GDA: variants seen among roughly 807,000 people sequenced by gnomAD.
GDA encodes cytoplasmic PSD-95 interactor.
In GDA, 18 loss-of-function variants were observed where a neutral mutation model predicts 59.6. That is an observed-to-expected ratio of 0.30 (90% CI 0.21 to 0.45). GDA has a LOEUF of 0.45. GDA is among the 20% of genes least tolerant of loss of function. The pLI is 1.00. For missense variants in GDA, 427 were observed against 552.3 expected, an observed-to-expected ratio of 0.77 and a Z score of 2.27; for synonymous variants, 201 against 201.1, an observed-to-expected ratio of 1.00 and a Z score of 0.00.
At chr9:72,210,923 A>G (rs1835277777) in intron 4 of GDA, 149 bp downstream of exon 4, 3 of 603,090 alleles carry the variant, frequency 5.0e-6, no homozygotes, top group South Asian at 4.1e-5. Context: ...ACGTGTCTAT[A>G]TGTCACTGTG....
intron 13 of GDA, 127 bp from the exon 14 acceptor site, chr9:72,248,145 T>G: frequency 1.4e-6 from 1 of 709,878 alleles, no homozygotes; most frequent in Non-Finnish European, 2.6e-6. Flanking sequence ...ATCTGAGGGT[T>G]GGGGGAAAGC....
chr9:72,241,353 C>T, intron 11 of GDA, 55 bp downstream of exon 11: 1 of 1,342,482 alleles, frequency 7.4e-7, no homozygotes, highest in Non-Finnish European at 1.0e-6. Context: ...TGATCGGTGT[C>T]TTTGGATGTA....
chr9:72,220,033 G>A (rs1162995645), intron 6 of GDA, among the ~76,000 whole-genome samples: 1 of 152,140 alleles, frequency 6.6e-6, no homozygotes, highest in African/African-American at 2.4e-5. Flanking sequence ...TTAAGTGTCT[G>A]TAGACAGACA....
chr9:72,254,575 A>G (rs1439057143), downstream of GDA, among the ~76,000 whole-genome samples: 3 of 152,202 alleles, frequency 2.0e-5, no homozygotes, highest in East Asian at 5.8e-4. Flanking sequence ...GGAGAACCCA[A>G]AGTCATAAGC....
intron 3 of GDA, among the ~76,000 whole-genome samples, chr9:72,205,820 A>C (rs1281299631): frequency 1.3e-5 from 2 of 152,220 alleles, no homozygotes; most frequent in Non-Finnish European, 2.9e-5. Context: ...AGCTTGCTTT[A>C]ACACAGTCCA....
At chr9:72,189,700 G>A (rs532858589) in intron 1 of GDA, among the ~76,000 whole-genome samples, 1 of 152,246 alleles carries the variant, frequency 6.6e-6, no homozygotes, top group South Asian at 2.1e-4. Context: ...AGTTAGCCAG[G>A]CGTGGTGGCA....
At chr9:72,164,554 G>A (rs967099511) in intron 1 of GDA, among the ~76,000 whole-genome samples, 3 of 152,112 alleles carry the variant, frequency 2.0e-5, no homozygotes, top group African/African-American at 7.2e-5. Flanking sequence ...AATGTGTAGT[G>A]TTTTATCATA....
intron 1 of GDA, among the ~76,000 whole-genome samples, chr9:72,186,796 A>G (rs1831907384): frequency 6.6e-6 from 1 of 152,148 alleles, no homozygotes; most frequent in African/African-American, 2.4e-5. Flanking sequence ...CTTTTCCCAC[A>G]ACCCTGGATA....
At chr9:72,223,308 CT>C (rs1837137916) in intron 7 of GDA, 81 bp downstream of exon 7, 2 of 774,090 alleles carry the variant, frequency 2.6e-6, no homozygotes, top group Non-Finnish European at 4.4e-6. Context: ...TTCCAATAAT[CT>C]GTAGTTGTTT....
chr9:72,189,790 A>G (rs7847039), intron 1 of GDA, among the ~76,000 whole-genome samples: 6,212 of 152,188 alleles, frequency 0.041, 415 homozygotes, highest in African/African-American at 0.14. Flanking sequence ...GCACTGAGCC[A>G]AAATCATGCC....
At chr9:72,211,777 A>G (rs1381564026) in intron 4 of GDA, among the ~76,000 whole-genome samples, 2 of 152,222 alleles carry the variant, frequency 1.3e-5, no homozygotes, top group Admixed American at 6.5e-5. Flanking sequence ...CAGGGACCAC[A>G]GTAGTTTAAC....
chr9:72,230,788 T>G (rs543188331), intron 9 of GDA, among the ~76,000 whole-genome samples: 1 of 152,308 alleles, frequency 6.6e-6, no homozygotes, highest in East Asian at 1.9e-4. Context: ...TTAGAAAATA[T>G]TAAAGACAGA....
upstream of GDA, among the ~76,000 whole-genome samples, chr9:72,147,571 A>G (rs150875478): frequency 6.6e-6 from 1 of 151,982 alleles, no homozygotes; most frequent in African/African-American, 2.4e-5. Context: ...TAACTGTATA[A>G]TGTTCTATCA....
At chr9:72,134,434 A>T (rs1019010152) in intron 1 of GDA, among the ~76,000 whole-genome samples, 5 of 150,196 alleles carry the variant, frequency 3.3e-5, no homozygotes, top group Non-Finnish European at 7.4e-5. Context: ...AGAGTTTTGC[A>T]CTTGTCACCC....
At chr9:72,164,709 C>T (rs554786714) in intron 1 of GDA, among the ~76,000 whole-genome samples, 153 of 150,784 alleles carry the variant, frequency 1.0e-3, no homozygotes, top group Admixed American at 2.3e-3. Context: ...CTGGGCCGGG[C>T]ACAGTGGCTC....
chr9:72,210,174 T>C (rs1404413349), intron 3 of GDA, among the ~76,000 whole-genome samples: 1 of 152,214 alleles, frequency 6.6e-6, no homozygotes, highest in Non-Finnish European at 1.5e-5. Context: ...TCCAAGAAGA[T>C]ATTGAAATGT....
chr9:72,248,987 T>C lies in GDA; in HGVS notation c.*645T>C, dbSNP rs1840432600. The C allele has an allele frequency of 3.0e-6, 3 of 984,584 alleles. No individual in the cohort carries two copies. The highest frequency in any genetic ancestry group is 1.7e-5 in the African/African-American group (1 of 57,210). The allele number at this position is 984,584 out of a possible 1,614,324, so 61.0% of individuals were successfully genotyped here. ...CTTCTTTGGCGATGAATGTCAGAAA[T>C]TGAATGCCACATGCTTTCATAATAT... is the stretch of plus-strand genomic sequence containing the variant. On this transcript the variant is annotated 3_prime_UTR_variant, in exon 14 of 14. Transcript: ENST00000358399.
intron 1 of GDA, among the ~76,000 whole-genome samples, chr9:72,184,504 G>T (rs532620398): frequency 4.6e-5 from 7 of 152,128 alleles, no homozygotes. Context: ...ATGCATGTAA[G>T]ATTCTCTATG....
At chr9:72,255,483 A>G (rs919223241), downstream of GDA, among the ~76,000 whole-genome samples, 3 of 152,158 alleles carry the variant, frequency 2.0e-5, no homozygotes, top group East Asian at 5.8e-4. Flanking sequence ...GGTTTAGACC[A>G]GATCCTGTTT....
Sources: allele counts gnomAD v4.1 joint callset (sites outside exome capture counted in the v4.1 genomes callset), GRCh38; gene constraint gnomAD v4.1.1; transcripts MANE v1.5; gene names NCBI Gene and HGNC (gene_info 2026-07-23, HGNC 2026-07-21).